B3GALT1: variants seen among roughly 807,000 people sequenced by gnomAD.
B3GALT1 encodes the protein UDP-Gal:betaGlcNAc beta 1,3-galactosyltransferase, polypeptide 1.
B3GALT1 carries 10 observed loss-of-function variants against 23.2 expected under a neutral mutation model. That is an observed-to-expected ratio of 0.43 (90% CI 0.27 to 0.73). The LOEUF is 0.73. B3GALT1 is among the 30% of genes least tolerant of loss of function. The pLI, the probability that B3GALT1 is intolerant of heterozygous loss-of-function variation, is 0.21. For missense variants in B3GALT1, 299 were observed against 405.4 expected (o/e 0.74, Z 2.25); for synonymous variants, 156 against 141.5 (o/e 1.10, Z -0.73).
intron 4 of B3GALT1, among the ~76,000 whole-genome samples, chr2:167,831,186 G>A (rs13423483): frequency 0.013 from 1,952 of 152,254 alleles, 38 homozygotes; most frequent in African/African-American, 0.044. Context: ...TCTCCTGTCT[G>A]AATCATACTT....
intron 3 of B3GALT1, among the ~76,000 whole-genome samples, chr2:167,757,675 C>T (rs1687839272): frequency 6.6e-6 from 1 of 152,144 alleles, no homozygotes; most frequent in East Asian, 1.9e-4. Context: ...AAGGTCCCCC[C>T]TCTTATCTAG....
intron 3 of B3GALT1, among the ~76,000 whole-genome samples, chr2:167,732,454 G>T (rs546794921): frequency 9.9e-5 from 15 of 152,194 alleles, no homozygotes; most frequent in Non-Finnish European, 2.1e-4. Context: ...AAGTCCTGGT[G>T]AGCCTTTTCC....
At chr2:167,434,266 A>C (rs1233664580) in intron 1 of B3GALT1, among the ~76,000 whole-genome samples, 1 of 152,156 alleles carries the variant, frequency 6.6e-6, no homozygotes, top group African/African-American at 2.4e-5. Flanking sequence ...ACAGTTGTAG[A>C]AAAGAATAAA....
chr2:167,435,462 A>T (rs980722991), intron 1 of B3GALT1, among the ~76,000 whole-genome samples: 2 of 138,128 alleles, frequency 1.4e-5, no homozygotes, highest in African/African-American at 5.7e-5. Flanking sequence ...AAAAAAAAAA[A>T]GCAGAGAAAT....
chr2:167,494,077 C>A (rs1419848966), intron 2 of B3GALT1, among the ~76,000 whole-genome samples: 1 of 152,148 alleles, frequency 6.6e-6, no homozygotes, highest in East Asian at 1.9e-4. Context: ...GATTGAGTAA[C>A]TTTATGGCCC....
chr2:167,822,583 G>GACTC (rs1689131548), intron 4 of B3GALT1, among the ~76,000 whole-genome samples: 2 of 152,138 alleles, frequency 1.3e-5, no homozygotes, highest in South Asian at 4.1e-4. Flanking sequence ...ATTTACACTT[G>GACTC]ACTCTGAGTT....
chr2:167,337,337 C>G (rs771047021), intron 1 of B3GALT1, among the ~76,000 whole-genome samples: 1 of 151,842 alleles, frequency 6.6e-6, no homozygotes, highest in Non-Finnish European at 1.5e-5. Flanking sequence ...GCCACTCTCT[C>G]CAAATGCGTG....
intron 2 of B3GALT1, among the ~76,000 whole-genome samples, chr2:167,572,536 T>C (rs1684312747): frequency 6.6e-6 from 1 of 151,750 alleles, no homozygotes; most frequent in African/African-American, 2.4e-5. Flanking sequence ...AAACAAGACT[T>C]TCTCATTTTA....
chr2:167,536,221 G>T (rs1683423264), intron 2 of B3GALT1, among the ~76,000 whole-genome samples: 1 of 152,020 alleles, frequency 6.6e-6, no homozygotes, highest in Non-Finnish European at 1.5e-5. Context: ...ATTGCAATTA[G>T]ATATTGCAGT....
At chr2:167,688,311 A>G (rs1686650089) in intron 3 of B3GALT1, among the ~76,000 whole-genome samples, 1 of 152,160 alleles carries the variant, frequency 6.6e-6, no homozygotes, top group South Asian at 2.1e-4. Context: ...AGATACTAAA[A>G]CAGATCTGGC....
At chr2:167,566,299 A>G (rs1012211595) in intron 2 of B3GALT1, among the ~76,000 whole-genome samples, 5 of 152,074 alleles carry the variant, frequency 3.3e-5, no homozygotes, top group South Asian at 4.2e-4. Flanking sequence ...GGACTTGAAC[A>G]ATGAGAACAC....
At chr2:167,586,852 C>G (rs1684592755) in intron 2 of B3GALT1, among the ~76,000 whole-genome samples, 1 of 152,050 alleles carries the variant, frequency 6.6e-6, no homozygotes, top group Non-Finnish European at 1.5e-5. Flanking sequence ...TCAAAAGAAA[C>G]TAAAACTCAA....
chr2:167,304,210 GAGA>G lies in B3GALT1; in HGVS notation c.-511+10885_-511+10887del, dbSNP rs775586445. 1.0e-3 allele frequency among the ~76,000 whole-genome samples: 153 copies of G among 152,298 alleles called. 1 individual carries two copies. The highest frequency in any genetic ancestry group is 3.5e-3 in the African/African-American group (146 of 41,566). On this transcript the variant is annotated intron_variant, in intron 1 of 4. Coordinates refer to ENST00000392690, the MANE Select transcript of B3GALT1 (RefSeq NM_020981.4). ...CAGGAGATAAAGCTCTCCTTCATGG[GAGA>G]AGAAGAAGCTCTTAAGTCGTTTATG...
At chr2:167,682,563 A>G (rs1313461855) in intron 3 of B3GALT1, among the ~76,000 whole-genome samples, 1 of 152,234 alleles carries the variant, frequency 6.6e-6, no homozygotes, top group African/African-American at 2.4e-5. Context: ...TATGTGTGAG[A>G]ATAACCTGAA....
rs150767381 is a variant in B3GALT1 at position 167,750,179 on chromosome 2, T to C, written c.-351-68493T>C. Among the ~76,000 whole-genome samples the C allele has an allele frequency of 2.6e-3, 396 of 152,358 alleles. 3 individuals carry two copies. Among genetic ancestry groups the C allele is most frequent in the African/African-American group, 9.0e-3 (376 of 41,586 alleles). On this transcript the variant is annotated intron_variant, in intron 3 of 4. Coordinates refer to ENST00000392690, the MANE Select transcript of B3GALT1 (RefSeq NM_020981.4). ...ATAAGGCTAAGAAAAGTTTTTGTCT[T>C]GTCTATTTGCAAGCCTGAGTGATGT...
chr2:167,736,472 A>C (rs1352709650), intron 3 of B3GALT1, among the ~76,000 whole-genome samples: 1 of 152,200 alleles, frequency 6.6e-6, no homozygotes, highest in African/African-American at 2.4e-5. Flanking sequence ...GAGCAGTCTT[A>C]AAATGGCAAG....
intron 3 of B3GALT1, among the ~76,000 whole-genome samples, chr2:167,772,811 T>C (rs1398362480): frequency 6.6e-6 from 1 of 152,250 alleles, no homozygotes; most frequent in East Asian, 1.9e-4. Flanking sequence ...GTGTTGCTGA[T>C]TAAACATTAC....
intron 4 of B3GALT1, among the ~76,000 whole-genome samples, chr2:167,853,209 A>G (rs549089746): frequency 6.6e-6 from 1 of 152,266 alleles, no homozygotes; most frequent in African/African-American, 2.4e-5. Flanking sequence ...ACTTTATTCT[A>G]CCATGAATCC....
intron 1 of B3GALT1, among the ~76,000 whole-genome samples, chr2:167,466,346 G>A (rs753950423): frequency 2.6e-5 from 4 of 151,874 alleles, no homozygotes; most frequent in Non-Finnish European, 4.4e-5. Context: ...GGCCGGGCGC[G>A]GTGGCTCACA....
Sources: gnomAD v4.1 joint callset for allele counts (sites outside exome capture counted in the v4.1 genomes callset) on GRCh38, gnomAD v4.1.1 for gene constraint, MANE v1.5 for transcripts, NCBI Gene and HGNC (gene_info 2026-07-23, HGNC 2026-07-21) for gene names.